Variants in TENM2 observed in about 807,000 individuals in gnomAD.
TENM2 encodes teneurin transmembrane protein 2.
Under a neutral mutation model 245.2 loss-of-function variants are expected in TENM2, and 52 were observed. The ratio of observed to expected loss-of-function variants is 0.21; its 90% confidence interval spans 0.17 to 0.27. The LOEUF (loss-of-function observed/expected upper bound fraction) is 0.27. Among genes scored for constraint, TENM2 ranks in the 10% least tolerant of loss-of-function variants. The probability of loss-of-function intolerance (pLI) is 1.00; values close to 1 mark genes in which losing one functional copy is unlikely to be tolerated. For missense variants in TENM2, 3,046 were observed against 3,666.8 expected (o/e 0.83, Z 4.37); for synonymous variants, 1,363 against 1,438.9 (o/e 0.95, Z 1.19).
the TENM2 span, among the ~76,000 whole-genome samples, chr5:167,272,115 A>C: frequency 1.3e-5 from 2 of 152,098 alleles, no homozygotes; most frequent in Non-Finnish European, 2.9e-5. Context: ...CTTCTTGGGG[A>C]TGGAAGGAGG....
intron 2 of TENM2, among the ~76,000 whole-genome samples, chr5:167,683,883 G>A (rs750236204): frequency 6.6e-6 from 1 of 152,134 alleles, no homozygotes; most frequent in Non-Finnish European, 1.5e-5. Flanking sequence ...GTATTTTTCA[G>A]TTAAAAATGC....
intron 20 of TENM2, 40 bp downstream of exon 22, chr5:168,211,794 T>C: frequency 7.9e-7 from 1 of 1,265,268 alleles, no homozygotes; most frequent in Non-Finnish European, 1.1e-6. Flanking sequence ...TTGATATGGT[T>C]CGTTTGCTTC....
intron 5 of TENM2, among the ~76,000 whole-genome samples, chr5:168,013,807 G>T (rs901564926): frequency 6.6e-6 from 1 of 152,196 alleles, no homozygotes; most frequent in Non-Finnish European, 1.5e-5. Flanking sequence ...GTCTCCTATG[G>T]TTCTGGAGGC....
intron 2 of TENM2, among the ~76,000 whole-genome samples, chr5:167,531,800 T>C (rs1472770047): frequency 6.6e-6 from 1 of 152,150 alleles, no homozygotes; most frequent in Non-Finnish European, 1.5e-5. Flanking sequence ...TTTTGTAGCT[T>C]TCTTGTAATA....
chr5:167,234,303 C>A, the TENM2 span, among the ~76,000 whole-genome samples: 5 of 152,152 alleles, frequency 3.3e-5, no homozygotes, highest in Non-Finnish European at 5.9e-5. Context: ...GCTCATCCTT[C>A]ATGTTTTACT....
intron 1 of TENM2, among the ~76,000 whole-genome samples, chr5:167,310,659 T>C (rs1755978662): frequency 6.6e-6 from 1 of 152,136 alleles, no homozygotes; most frequent in South Asian, 2.1e-4. Context: ...AAATAGAGTT[T>C]CAAATTTCAT....
At chr5:167,443,220 A>G (rs964542709) in intron 2 of TENM2, among the ~76,000 whole-genome samples, 3 of 152,022 alleles carry the variant, frequency 2.0e-5, no homozygotes, top group Non-Finnish European at 4.4e-5. Flanking sequence ...GAAACCAGAG[A>G]GTTGGCATGC....
chr5:168,138,643 C>G (rs567838640), intron 12 of TENM2, among the ~76,000 whole-genome samples: 1 of 152,212 alleles, frequency 6.6e-6, no homozygotes, highest in Non-Finnish European at 1.5e-5. Flanking sequence ...GAGAGGAAAG[C>G]AGGAAGGGAC....
chr5:167,957,399 A>G (rs1170960974), intron 4 of TENM2, among the ~76,000 whole-genome samples: 2 of 151,904 alleles, frequency 1.3e-5, no homozygotes, highest in East Asian at 1.9e-4. Flanking sequence ...CAGTCTATCT[A>G]TTTTGTTAAT....
chr5:168,009,027 A>G (rs1024268052), intron 5 of TENM2, among the ~76,000 whole-genome samples: 4 of 152,230 alleles, frequency 2.6e-5, no homozygotes, highest in African/African-American at 9.6e-5. Flanking sequence ...AGAATTGGGT[A>G]AAAACTAAAC....
the TENM2 span, among the ~76,000 whole-genome samples, chr5:167,122,102 A>G: frequency 6.6e-6 from 1 of 152,180 alleles, no homozygotes; most frequent in East Asian, 1.9e-4. Flanking sequence ...ATTGCATTCA[A>G]CCTAATGGAT....
chr5:168,192,186 C>T (rs1761020603), intron 14 of TENM2, among the ~76,000 whole-genome samples: 1 of 152,122 alleles, frequency 6.6e-6, no homozygotes, highest in South Asian at 2.1e-4. Flanking sequence ...TCATACCCAA[C>T]TAAAGCAGAG....
intron 3 of TENM2, among the ~76,000 whole-genome samples, chr5:167,889,587 G>C (rs1354605017): frequency 6.6e-6 from 1 of 151,880 alleles, no homozygotes; most frequent in African/African-American, 2.4e-5. Context: ...TTTACATGTC[G>C]CTCTTCCTGT....
chr5:167,938,273 T>A (rs1464963009), intron 3 of TENM2, among the ~76,000 whole-genome samples: 3 of 152,168 alleles, frequency 2.0e-5, no homozygotes, highest in African/African-American at 7.2e-5. Flanking sequence ...GATGTGCATA[T>A]GTGTAGACCC....
At chr5:167,404,336 A>G (rs1455478583) in intron 2 of TENM2, among the ~76,000 whole-genome samples, 1 of 152,052 alleles carries the variant, frequency 6.6e-6, no homozygotes, top group Admixed American at 6.6e-5. Context: ...GGGGTTATGA[A>G]AAATGACTGA....
chr5:167,755,774 T>C lies in TENM2; in HGVS notation c.503-120212T>C, dbSNP rs1762272272. ...CAAAACATGGATTAGTCTTGCTGCT[T>C]GTATGTGATATTTAGCATGCTGAAC... On this transcript the variant is annotated intron_variant, in intron 2 of 28. Coordinates refer to ENST00000518659, the Ensembl canonical transcript of TENM2. Among the ~76,000 whole-genome samples the C allele has an allele frequency of 2.6e-5, 4 of 152,256 alleles. No homozygotes were observed. The South Asian group carries it at 8.3e-4, about 32-fold the overall frequency.
At chr5:167,928,341 A>C (rs1308036568) in intron 3 of TENM2, among the ~76,000 whole-genome samples, 1 of 152,192 alleles carries the variant, frequency 6.6e-6, no homozygotes, top group Non-Finnish European at 1.5e-5. Flanking sequence ...CAATGAGTTT[A>C]ATTTGATAAC....
the TENM2 span, among the ~76,000 whole-genome samples, chr5:167,084,351 A>ATT: frequency 9.2e-6 from 1 of 108,864 alleles, no homozygotes; most frequent in African/African-American, 3.2e-5. Flanking sequence ...ATATATATAT[A>ATT]TATATATATA....
At chr5:168,099,448 G>T (rs1793631758) in intron 9 of TENM2, among the ~76,000 whole-genome samples, 1 of 152,160 alleles carries the variant, frequency 6.6e-6, no homozygotes, top group South Asian at 2.1e-4. Flanking sequence ...TAGGTTTATT[G>T]TGAGGATAGT....
Sources: allele counts gnomAD v4.1 joint callset (sites outside exome capture counted in the v4.1 genomes callset), GRCh38; gene constraint gnomAD v4.1.1; transcripts MANE v1.5; gene names NCBI Gene and HGNC (gene_info 2026-07-23, HGNC 2026-07-21).